SP8: variants seen among roughly 807,000 people sequenced by gnomAD.
SP8 encodes the protein transcription factor Sp8.
SP8 carries 7 observed loss-of-function variants against 15.3 expected under a neutral mutation model. The observed-to-expected ratio is 0.46, with a 90% CI of 0.26 to 0.86. The LOEUF (loss-of-function observed/expected upper bound fraction) is 0.86, where lower values mean the gene tolerates loss of function less well. Ranked by LOEUF, SP8 falls within the 40% of genes least tolerant of loss-of-function variation. The pLI, the probability that SP8 is intolerant of heterozygous loss-of-function variation, is 0.16. For synonymous variants in SP8, 415 were observed against 356.3 expected (o/e 1.16, Z -1.86); for missense variants, 731 against 736.4 (o/e 0.99, Z 0.09).
rs1278438201 is a variant in SP8, at chr7:20,784,701, G to A, written c.1116C>T (p.Gly372=). The change falls in exon 2 of 2, where the codon GGC becomes GGT. Residue 372 remains glycine (G), a synonymous_variant. Coordinates refer to ENST00000418710, the MANE Select transcript of SP8 (RefSeq NM_182700.6). ...GPAGASLRRK[G]LHSCHIPGCG... is the part of the protein sequence containing the mutation. Reference sequence around the variant, plus strand: ...AGCCCGGGATGTGGCAGCTGTGCAGGCCCTTGCGCCGCAAGCTCGCCCCGG... The same window carrying A: ...AGCCCGGGATGTGGCAGCTGTGCAGACCCTTGCGCCGCAAGCTCGCCCCGG... 6.2e-7 allele frequency: 1 copy of A among 1,601,554 alleles called. No homozygotes were observed. Among genetic ancestry groups the A allele is most frequent in the Non-Finnish European group, 8.5e-7 (1 of 1,175,926 alleles).
chr7:20,785,571 G>A lies in SP8; in HGVS notation c.246C>T (p.Gly82=). 4 of 1,561,938 alleles carry A rather than the reference G, an allele frequency of 2.6e-6. No individual in the cohort carries two copies. The highest frequency in any genetic ancestry group is 3.5e-6 in the Non-Finnish European group (4 of 1,152,820). ...FGVSGASRNG[G]SSSAAAAAAA... ...CGGCCGCCGCAGCCGCCGAGGACGAGCCGCCGTTCCTGGAGGCCCCGGACA... is the reference window on the plus strand; with the variant it reads ...CGGCCGCCGCAGCCGCCGAGGACGAACCGCCGTTCCTGGAGGCCCCGGACA... Residue 82 remains glycine (G), a synonymous_variant, in exon 2 of 2, where the codon GGC becomes GGT. Transcript: ENST00000418710. The surrounding 1 kb of genome is among the most constrained non-coding windows in gnomAD (Gnocchi z 7.2).
chr7:20,785,046 C>A lies in SP8; in HGVS notation c.771G>T (p.Gly257=), dbSNP rs373533683. 1.8e-5 allele frequency: 29 copies of A among 1,577,026 alleles called. No individual in the cohort carries two copies. Among genetic ancestry groups the A allele is most frequent in the African/African-American group, 2.7e-5 (2 of 73,072 alleles). Residue 257 remains glycine, a synonymous_variant, in exon 2 of 2, where the codon GGG becomes GGT. Coordinates refer to ENST00000418710, the MANE Select transcript of SP8 (RefSeq NM_182700.6). This position sits in a 1 kb window ranked among gnomAD's most constrained non-coding sequence, Gnocchi z 7.2. ...LPGSLHPAAG[G]LQTSLHSPLG... is the part of the protein sequence containing the mutation. ...GCGGCGAGTGCAGCGAGGTTTGGAG[C>A]CCCCCGGCGGCAGGGTGCAGCGAGC...
Position 20,785,399 on chromosome 7 carries a change from C to G in SP8, c.418G>C (p.Ala140Pro). 1 of 1,259,252 alleles carries G rather than the reference C, an allele frequency of 7.9e-7. No individual in the cohort carries two copies. Among genetic ancestry groups the G allele is most frequent in the South Asian group, 1.8e-5 (1 of 56,364 alleles). 78.0% of individuals were successfully genotyped at this position (1,259,252 alleles called of 1,614,324 possible). A position where few individuals can be genotyped will look rare whatever the true frequency, so the allele number is the denominator to read the frequency against. ...AAAAASSSPFANDYSVFQAPG... is the reference protein window; with the variant it reads ...AAAAASSSPFPNDYSVFQAPG... ...GCCTGGAAAACAGAGTAGTCGTTGG[C>G]GAAGGGCGAGCTGGAGGCGGCGGCT... The change falls in exon 2 of 2, where the codon GCC becomes CCC. Residue 140 changes from alanine (A) to proline (P), a missense_variant. Ala to Pro is a conservative substitution (Grantham distance 27). Around this residue, in one of 3 missense-constraint regions of SP8, gnomAD observed 586 missense variants for 524.9 expected, o/e 1.12. Coordinates refer to ENST00000418710, the MANE Select transcript of SP8 (RefSeq NM_182700.6). This position sits in a 1 kb window ranked among gnomAD's most constrained non-coding sequence, Gnocchi z 7.2.
At position 20,784,117 on chromosome 7, in the gene SP8, T is replaced by C. The variant is rs551368824; in HGVS notation, c.*173A>G. The C allele has an allele frequency of 2.2e-5, 13 of 586,240 alleles. No homozygotes were observed. In the East Asian group the frequency reaches 4.0e-4, roughly 18 times the overall value. The allele number at this position is 586,240 out of a possible 1,614,324, so 36.3% of individuals were successfully genotyped here. ...GATGCGTGTTACTTACTTGTCCATA[T>C]CCCCTTTACAAAGTTAAGTCACAGA... On this transcript the variant is annotated 3_prime_UTR_variant, in exon 2 of 2. Coordinates refer to ENST00000418710, the MANE Select transcript of SP8 (RefSeq NM_182700.6).
rs1258359104 is a variant in SP8, at chr7:20,786,781, T to G, written c.18A>C (p.Leu6=). The part of the protein sequence containing the change: MATSL[L]GEEPRLGSTP... ...AAGAGAAAATCCTGAGACTCACCCC[T>G]AGAAGTGAAGTTGCCATCACACAAA... Residue 6 remains leucine, a synonymous_variant, in exon 1 of 2, where the codon CTA becomes CTC. Coordinates refer to ENST00000418710, the MANE Select transcript of SP8 (RefSeq NM_182700.6). This position sits in a 1 kb window ranked among gnomAD's most constrained non-coding sequence, Gnocchi z 4.4. 6.2e-7 allele frequency: 1 copy of G among 1,613,478 alleles called. No individual in the cohort carries two copies. Among genetic ancestry groups the G allele is most frequent in the Admixed American group, 1.7e-5 (1 of 60,006 alleles).
rs577790861 is a variant in SP8, at chr7:20,785,822, G to A, written c.22-27C>T. 3.8e-6 allele frequency: 6 copies of A among 1,589,964 alleles called. No homozygotes were observed. Among genetic ancestry groups the A allele is most frequent in the South Asian group, 2.2e-5 (2 of 90,000 alleles). On this transcript the variant is annotated intron_variant, in intron 1 of 1. Coordinates refer to ENST00000418710, the MANE Select transcript of SP8 (RefSeq NM_182700.6). This position sits in a 1 kb window ranked among gnomAD's most constrained non-coding sequence, Gnocchi z 7.2. ...TGCGAGGAGGAGAGGAGAAGGAGTG[G>A]GGGAGGGGAGGTGGGCAAAGGGCCG...
chr7:20,784,974 GA>G lies in SP8; in HGVS notation c.842del (p.Phe281SerfsTer45). ...SDYSGLSHSAFSSGASSHLLS... is the reference protein window; with the variant it reads ...SDYSGLSHSAXSSGASSHLLS... ...GCAGGTGCGAGGAGGCGCCGCTGCT[GA>G]AGGCCGAGTGACTCAGGCCCGAGTA... On this transcript the variant is annotated frameshift_variant, in exon 2 of 2. Coordinates refer to ENST00000418710, the MANE Select transcript of SP8 (RefSeq NM_182700.6). LOFTEE classifies it high-confidence loss of function. 1 of 1,569,952 alleles carries G rather than the reference GA, an allele frequency of 6.4e-7. No homozygotes were observed. The highest frequency in any genetic ancestry group is 1.2e-5 in the South Asian group (1 of 86,642).
rs1186000446 is a variant in SP8 at position 20,785,937 on chromosome 7, C to T, written c.22-142G>A. The T allele has an allele frequency of 6.8e-7, 1 of 1,465,404 alleles. No homozygotes were observed. Among genetic ancestry groups the T allele is most frequent in the Non-Finnish European group, 9.1e-7 (1 of 1,104,958 alleles). The allele number at this position is 1,465,404 out of a possible 1,614,324, so 90.8% of individuals were successfully genotyped here. A position where few individuals can be genotyped will look rare whatever the true frequency, so the allele number is the denominator to read the frequency against. ...CCCATCTCTCGCTGCGGCGCGCCGC[C>T]ACCAACTCACCTGGCACCCCCAACA... On this transcript the variant is annotated intron_variant, in intron 1 of 1. Coordinates refer to ENST00000418710, the MANE Select transcript of SP8 (RefSeq NM_182700.6). The surrounding 1 kb of genome is among the most constrained non-coding windows in gnomAD (Gnocchi z 7.2).
Position 20,784,530 on chromosome 7 carries a change from G to A in SP8, c.1287C>T (p.Thr429=), listed in dbSNP as rs767626361. The A allele has an allele frequency of 4.4e-6, 7 of 1,580,194 alleles. No individual in the cohort carries two copies. Among genetic ancestry groups the A allele is most frequent in the South Asian group, 1.1e-5 (1 of 87,190 alleles). The change falls in exon 2 of 2, where the codon ACC becomes ACT. Residue 429 remains threonine (T), a synonymous_variant. Transcript: ENST00000418710. ...CTGGACAGGCGAAGCGCTTCTCGCC[G>A]GTGTGGGTCCGCAGGTGCCGCTGCA... ...DELQRHLRTH[T]GEKRFACPVC...
chr7:20,786,050 A>T lies in SP8; in HGVS notation c.22-255T>A. 1 of 1,367,074 alleles carries T rather than the reference A, an allele frequency of 7.3e-7. No homozygotes were observed. The highest frequency in any genetic ancestry group is 9.4e-7 in the Non-Finnish European group (1 of 1,059,344). The allele number at this position is 1,367,074 out of a possible 1,614,324, so 84.7% of individuals were successfully genotyped here. A position where few individuals can be genotyped will look rare whatever the true frequency, so the allele number is the denominator to read the frequency against. ...TTCGGGAGCAAGCACCACGCTAAAG[A>T]AGAGTTTGACAAGTATTCTCACCTA... On this transcript the variant is annotated intron_variant, in intron 1 of 1. Coordinates refer to ENST00000418710, the MANE Select transcript of SP8 (RefSeq NM_182700.6). The surrounding 1 kb of genome is among the most constrained non-coding windows in gnomAD (Gnocchi z 4.4).
chr7:20,786,700 C>T lies in SP8; in HGVS notation c.21+78G>A. On this transcript the variant is annotated intron_variant, in intron 1 of 1. Coordinates refer to ENST00000418710, the MANE Select transcript of SP8 (RefSeq NM_182700.6). The surrounding 1 kb of genome is among the most constrained non-coding windows in gnomAD (Gnocchi z 4.4). Reference sequence around the variant, plus strand: ...GAGAGACTGATAGCCCGTGGCCTGGCCGGGGCGACTTTAACCCCCTCCAAT... The same window carrying T: ...GAGAGACTGATAGCCCGTGGCCTGGTCGGGGCGACTTTAACCCCCTCCAAT... 2.4e-6 allele frequency: 3 copies of T among 1,273,258 alleles called. No homozygotes were observed. Among genetic ancestry groups the T allele is most frequent in the Non-Finnish European group, 3.5e-6 (3 of 868,994 alleles). The allele number at this position is 1,273,258 out of a possible 1,614,324, so 78.9% of individuals were successfully genotyped here.
chr7:20,785,854 G>T lies in SP8; in HGVS notation c.22-59C>A. 1 of 1,526,840 alleles carries T rather than the reference G, an allele frequency of 6.5e-7. No individual in the cohort carries two copies. Among genetic ancestry groups the T allele is most frequent in the Non-Finnish European group, 8.9e-7 (1 of 1,118,674 alleles). The allele number at this position is 1,526,840 out of a possible 1,614,324, so 94.6% of individuals were successfully genotyped here. On this transcript the variant is annotated intron_variant, in intron 1 of 1. Transcript: ENST00000418710. This position sits in a 1 kb window ranked among gnomAD's most constrained non-coding sequence, Gnocchi z 7.2. ...GGAGGTGGGCAAAGGGCCGGTGGGGGAGGAAAGGAAGAAATGTGCATCAGT... is the reference window on the plus strand; with the variant it reads ...GGAGGTGGGCAAAGGGCCGGTGGGGTAGGAAAGGAAGAAATGTGCATCAGT...
Position 20,784,812 on chromosome 7 carries a change from GC to G in SP8, c.1004del (p.Gly335AlafsTer119). On this transcript the variant is annotated frameshift_variant, in exon 2 of 2. Coordinates refer to ENST00000418710, the MANE Select transcript of SP8 (RefSeq NM_182700.6). LOFTEE classifies it high-confidence loss of function. ...LSAGPSAPLG[G>X]SPRSSARRYS... is the part of the protein sequence containing the mutation. Reference sequence around the variant, plus strand: ...AGCGGCGAGCTGAGGAGCGCGGGGAGCCCCCCAGCGGCGCCGAAGGCCCAGC... The same window carrying G: ...AGCGGCGAGCTGAGGAGCGCGGGGAGCCCCCAGCGGCGCCGAAGGCCCAGC... 3 of 1,527,984 alleles carry G rather than the reference GC, an allele frequency of 2.0e-6. No homozygotes were observed. The highest frequency in any genetic ancestry group is 8.7e-7 in the Non-Finnish European group (1 of 1,144,134). 94.7% of individuals were successfully genotyped at this position (1,527,984 alleles called of 1,614,324 possible). A position where few individuals can be genotyped will look rare whatever the true frequency, so the allele number is the denominator to read the frequency against.
chr7:20,786,511 C>T lies in SP8; in HGVS notation c.21+267G>A, dbSNP rs1202127691. The stretch of plus-strand genomic sequence containing the variant: ...CGGTGCCTGTAAAATGGGCTGGACG[C>T]AGGTCTCCCGGGCAGGGAGCAGCGA... On this transcript the variant is annotated intron_variant, in intron 1 of 1. Transcript: ENST00000418710. This position sits in a 1 kb window ranked among gnomAD's most constrained non-coding sequence, Gnocchi z 4.4. Among the ~76,000 whole-genome samples, 1 of 152,136 alleles carries T rather than the reference C, an allele frequency of 6.6e-6. No individual in the cohort carries two copies. Among genetic ancestry groups the T allele is most frequent in the Admixed American group, 6.5e-5 (1 of 15,280 alleles).
Position 20,785,458 on chromosome 7 carries a change from G to T in SP8, c.359C>A (p.Ser120Tyr). Residue 120 changes from serine (S) to tyrosine (Y), a missense_variant, in exon 2 of 2, where the codon TCC (serine) becomes TAC (tyrosine). This residue lies in a region of SP8 where 586 missense variants were observed against 524.9 expected (regional missense o/e 1.12). Transcript: ENST00000418710. This position sits in a 1 kb window ranked among gnomAD's most constrained non-coding sequence, Gnocchi z 7.2. ...GGCGGCGGCGGCTGCGGCGCTGCTG[G>T]AGGTGAGGGAGAAGGCGCTGGAGCC... ...SPGSSAFSLT[S>Y]SSAAAAAAAA... The T allele has an allele frequency of 8.4e-7, 1 of 1,195,690 alleles. No individual in the cohort carries two copies. Among genetic ancestry groups the T allele is most frequent in the Non-Finnish European group, 1.0e-6 (1 of 952,502 alleles). 74.1% of individuals were successfully genotyped at this position (1,195,690 alleles called of 1,614,324 possible). A position where few individuals can be genotyped will look rare whatever the true frequency, so the allele number is the denominator to read the frequency against.
rs1783553659 is a variant in SP8, at chr7:20,783,406, T to C, written c.*884A>G. ...GTCAAAGTAACTTTGGGATCAATAT[T>C]AGCAGTTTCGAGAGAAAGATTGCTC... On this transcript the variant is annotated 3_prime_UTR_variant, in exon 2 of 2. Coordinates refer to ENST00000418710, the MANE Select transcript of SP8 (RefSeq NM_182700.6). The C allele has an allele frequency of 3.2e-5, 1 of 30,822 alleles. No homozygotes were observed. The highest frequency in any genetic ancestry group is 1.4e-4 in the African/African-American group (1 of 7,382). 1.9% of individuals were successfully genotyped at this position (30,822 alleles called of 1,614,324 possible).
chr7:20,785,337 C>CCCG lies in SP8; in HGVS notation c.477_479dup (p.Gly165dup), dbSNP rs749457306. Reference sequence around the variant, plus strand: ...GCGCGGAGGAGCCGCCGCCGCCGCCCCCGCCGCCGCCGCCGCTGCCCCCGG... The same window carrying CCCG: ...GCGCGGAGGAGCCGCCGCCGCCGCCCCCGCCGCCGCCGCCGCCGCTGCCCCCGG... On this transcript the variant is annotated inframe_insertion, in exon 2 of 2. Coordinates refer to ENST00000418710, the MANE Select transcript of SP8 (RefSeq NM_182700.6). This position sits in a 1 kb window ranked among gnomAD's most constrained non-coding sequence, Gnocchi z 7.2. 148 of 1,371,936 alleles carry CCCG rather than the reference C, an allele frequency of 1.1e-4. No individual in the cohort carries two copies. The East Asian group carries it at 1.4e-3, about 13-fold the overall frequency. The allele number at this position is 1,371,936 out of a possible 1,614,324, so 85.0% of individuals were successfully genotyped here.
chr7:20,784,273 C>T lies in SP8; in HGVS notation c.*17G>A. ...GGTGGGAGGAGGTCGGGGAGAGGGG[C>T]GGGCGCAGGGTGGGCGTCACTCTAG... On this transcript the variant is annotated 3_prime_UTR_variant, in exon 2 of 2. Transcript: ENST00000418710. 8.2e-7 allele frequency: 1 copy of T among 1,212,834 alleles called. No homozygotes were observed. Among genetic ancestry groups the T allele is most frequent in the Non-Finnish European group, 1.1e-6 (1 of 932,376 alleles). 75.1% of individuals were successfully genotyped at this position (1,212,834 alleles called of 1,614,324 possible). A position where few individuals can be genotyped will look rare whatever the true frequency, so the allele number is the denominator to read the frequency against.
In SP8 at chr7:20,784,868, G is replaced by A. The variant is rs954394962; in HGVS notation, c.949C>T (p.Leu317=). The A allele has an allele frequency of 2.9e-5, 45 of 1,526,378 alleles. No homozygotes were observed. The African/African-American group carries it at 6.1e-4, about 21-fold the overall frequency. 94.6% of individuals were successfully genotyped at this position (1,526,378 alleles called of 1,614,324 possible). The part of the protein sequence containing the change: ...GSYPDSAPSP[L]AGAGGSMLSA... The stretch of plus-strand genomic sequence containing the variant: ...AACATGGAGCCCCCCGCGCCGGCCA[G>A]CGGCGACGGGGCCGAGTCCGGGTAG... Residue 317 remains leucine (L), a synonymous_variant, in exon 2 of 2, where the codon CTG becomes TTG. Coordinates refer to ENST00000418710, the MANE Select transcript of SP8 (RefSeq NM_182700.6).
Sources: gnomAD v4.1 joint callset for allele counts (sites outside exome capture counted in the v4.1 genomes callset) on GRCh38, gnomAD v4.1.1 for gene constraint, gnomAD v4.1.1 regional missense constraint, Gnocchi (gnomAD v3.1) non-coding constraint, MANE v1.5 for transcripts, NCBI Gene and HGNC (gene_info 2026-07-23, HGNC 2026-07-21) for gene names.